The following NAV3 variants were observed in gnomAD, a reference collection of about 807,000 sequenced individuals.
NAV3 encodes pore membrane and/or filament interacting like protein 1.
NAV3 carries 87 observed loss-of-function variants against 244.7 expected under a neutral mutation model. The observed-to-expected ratio is 0.36, with a 90% CI of 0.30 to 0.42. The LOEUF (loss-of-function observed/expected upper bound fraction) is 0.42, where lower values mean the gene tolerates loss of function less well. Among genes scored for constraint, NAV3 ranks in the 20% least tolerant of loss-of-function variants. The pLI, the probability that NAV3 is intolerant of heterozygous loss-of-function variation, is 1.00. For missense variants in NAV3, 2,663 were observed against 2,893.3 expected, an observed-to-expected ratio of 0.92 and a Z score of 1.83; for synonymous variants, 1,126 against 1,042.2, an observed-to-expected ratio of 1.08 and a Z score of -1.55.
intron 3 of NAV3, among the ~76,000 whole-genome samples, chr12:77,951,216 T>C (rs554759270): frequency 6.6e-6 from 1 of 152,118 alleles, no homozygotes; most frequent in African/African-American, 2.4e-5. Context: ...CTCAAACAAA[T>C]TTACAAGAAA....
chr12:78,187,357 T>TAGA (rs1958767501), intron 31 of NAV3, among the ~76,000 whole-genome samples: 2 of 151,890 alleles, frequency 1.3e-5, no homozygotes. Context: ...ACTCAGTGAT[T>TAGA]ATTCTACCAC....
At chr12:78,002,268 A>G (rs1873440949) in intron 7 of NAV3, among the ~76,000 whole-genome samples, 1 of 152,144 alleles carries the variant, frequency 6.6e-6, no homozygotes, top group African/African-American at 2.4e-5. Flanking sequence ...GTGTTTTTCC[A>G]TGTTGCTAAG....
intron 2 of NAV3, among the ~76,000 whole-genome samples, chr12:77,614,144 C>T (rs926582431): frequency 7.3e-6 from 1 of 136,518 alleles, no homozygotes; most frequent in Admixed American, 8.1e-5. Flanking sequence ...GGTGCAGTGG[C>T]GCTATTCAAT....
chr12:78,095,098 T>TATAC (rs1313180938), intron 12 of NAV3, among the ~76,000 whole-genome samples: 35 of 143,622 alleles, frequency 2.4e-4, no homozygotes, highest in African/African-American at 6.8e-4. Context: ...CATATATATA[T>TATAC]ACACATATAT....
At chr12:77,745,459 T>C (rs981858459) in intron 2 of NAV3, among the ~76,000 whole-genome samples, 4 of 152,022 alleles carry the variant, frequency 2.6e-5, no homozygotes, top group Non-Finnish European at 5.9e-5. Context: ...ACATATTGCC[T>C]TAGAAAATGT....
At chr12:77,880,838 T>C (rs1882545190) in intron 1 of NAV3, among the ~76,000 whole-genome samples, 1 of 152,194 alleles carries the variant, frequency 6.6e-6, no homozygotes, top group Admixed American at 6.6e-5. Context: ...CTGTTCCATC[T>C]AGATTTGTGT....
chr12:77,828,079 T>A (rs1365431589), upstream of NAV3, among the ~76,000 whole-genome samples: 2 of 152,186 alleles, frequency 1.3e-5, no homozygotes, highest in African/African-American at 2.4e-5. Context: ...TGAAATTTAG[T>A]TGGCATTGTG....
In NAV3 at chr12:78,210,635, T is replaced by C. The variant is rs759408106; in HGVS notation, c.*118T>C. On this transcript the variant is annotated 3_prime_UTR_variant, in exon 40 of 40. Transcript: ENST00000397909. ...CCCTGTCAAGGGCCCTGACCCAGAG[T>C]TGTGGTCTCCAAGGAGGCAGCAGAA... The C allele has an allele frequency of 1.8e-5, 23 of 1,244,850 alleles. No homozygotes were observed. The highest frequency in any genetic ancestry group is 2.4e-5 in the Non-Finnish European group (22 of 908,556). The allele number at this position is 1,244,850 out of a possible 1,614,324, so 77.1% of individuals were successfully genotyped here. A position where few individuals can be genotyped will look rare whatever the true frequency, so the allele number is the denominator to read the frequency against.
chr12:78,070,471 T>C (rs867666481), intron 12 of NAV3, among the ~76,000 whole-genome samples: 8 of 152,212 alleles, frequency 5.3e-5, no homozygotes, highest in Non-Finnish European at 8.8e-5. Flanking sequence ...TTGAAATTGT[T>C]TCCAGCTTCA....
At position 78,118,199 on chromosome 12, in the gene NAV3, T is replaced by C. The variant is rs757265301; in HGVS notation, c.2942T>C (p.Leu981Pro). The change falls in exon 14 of 40, where the codon CTG becomes CCG. Residue 981 changes from leucine to proline, a missense_variant. Leu to Pro is a moderately conservative substitution (Grantham distance 98). This residue lies in a region of NAV3 where 1,521 missense variants were observed against 1,497.0 expected (regional missense o/e 1.02). Coordinates refer to ENST00000397909, the MANE Select transcript of NAV3 (RefSeq NM_001024383.2). ...DPEKAGQKAS[L>P]SVSQTGSWRR... ...GAGAAGGCAGGGCAGAAAGCTTCCCTGTCTGTTTCACAGACAGGTTCCTGG... is the reference window on the plus strand; with the variant it reads ...GAGAAGGCAGGGCAGAAAGCTTCCCCGTCTGTTTCACAGACAGGTTCCTGG... 1.7e-5 allele frequency: 28 copies of C among 1,613,740 alleles called. No homozygotes were observed. The East Asian group carries it at 5.8e-4, about 33-fold the overall frequency.
At chr12:77,573,603 G>A (rs1210898225) in intron 2 of NAV3, among the ~76,000 whole-genome samples, 3 of 152,138 alleles carry the variant, frequency 2.0e-5, no homozygotes, top group South Asian at 2.1e-4. Flanking sequence ...CAGAGGAGAT[G>A]TCACAGTAAA....
At chr12:77,781,119 A>G (rs1442605437) in intron 2 of NAV3, among the ~76,000 whole-genome samples, 2 of 152,192 alleles carry the variant, frequency 1.3e-5, no homozygotes, top group Non-Finnish European at 2.9e-5. Flanking sequence ...CAAGGCTGCA[A>G]TGAAGGTGTT....
intron 7 of NAV3, among the ~76,000 whole-genome samples, chr12:78,002,845 A>G (rs1027256992): frequency 1.3e-5 from 2 of 151,840 alleles, no homozygotes; most frequent in Non-Finnish European, 2.9e-5. Flanking sequence ...ATCTATATCT[A>G]TATATTTATA....
rs144643257 is a variant in NAV3 at position 77,584,499 on chromosome 12, G to C, written c.72+12233G>C. Among the ~76,000 whole-genome samples, 751 of 152,020 alleles carry C rather than the reference G, an allele frequency of 4.9e-3. 10 individuals are homozygous for C. The highest frequency in any genetic ancestry group is 0.017 in the African/African-American group (707 of 41,448). ...TAGATTAAATGCTTATGGGTATGCT[G>C]TCTTTACATACCCATGTACCTTTAT... is the stretch of plus-strand genomic sequence containing the variant. On this transcript the variant is annotated intron_variant, in intron 2 of 8. Coordinates refer to the NAV3 transcript ENST00000550042.
At chr12:77,741,318 A>G (rs1460040884) in intron 2 of NAV3, among the ~76,000 whole-genome samples, 1 of 152,038 alleles carries the variant, frequency 6.6e-6, no homozygotes, top group Non-Finnish European at 1.5e-5. Flanking sequence ...TATCCACTAC[A>G]TGTTATTATT....
chr12:78,181,566 T>C (rs1305479831), intron 30 of NAV3, among the ~76,000 whole-genome samples: 5 of 152,088 alleles, frequency 3.3e-5, no homozygotes, highest in Non-Finnish European at 7.4e-5. Flanking sequence ...CAGTTTTGAT[T>C]TGATTGCAAA....
At chr12:77,987,955 A>C (rs1354328595) in intron 5 of NAV3, among the ~76,000 whole-genome samples, 1 of 152,172 alleles carries the variant, frequency 6.6e-6, no homozygotes, top group Non-Finnish European at 1.5e-5. Context: ...AGCAGTAGTA[A>C]TAGCTGCAGA....
At chr12:77,747,314 A>C (rs1217889014) in intron 2 of NAV3, among the ~76,000 whole-genome samples, 1 of 152,190 alleles carries the variant, frequency 6.6e-6, no homozygotes, top group Non-Finnish European at 1.5e-5. Flanking sequence ...AGAGAAATGC[A>C]AATCAAAACC....
intron 2 of NAV3, among the ~76,000 whole-genome samples, chr12:77,766,758 T>C (rs1175587615): frequency 1.8e-5 from 1 of 56,656 alleles, no homozygotes; most frequent in Non-Finnish European, 3.6e-5. Flanking sequence ...TTTTTTTTTT[T>C]TTTTTTTTTT....
Sources: gnomAD v4.1 joint callset for allele counts (sites outside exome capture counted in the v4.1 genomes callset) on GRCh38, gnomAD v4.1.1 for gene constraint, gnomAD v4.1.1 regional missense constraint, MANE v1.5 for transcripts, NCBI Gene and HGNC (gene_info 2026-07-23, HGNC 2026-07-21) for gene names.